Variants in NANOGNB observed in about 807,000 individuals in gnomAD.
NANOGNB encodes NANOG neighbor homeobox.
Under a neutral mutation model 25.0 loss-of-function variants are expected in NANOGNB, and 30 were observed. The ratio of observed to expected loss-of-function variants is 1.20; its 90% CI spans 0.90 to 1.63. The LOEUF (loss-of-function observed/expected upper bound fraction) is 1.63. Ranked by LOEUF, NANOGNB falls within the 40% of genes most tolerant of loss-of-function variation. The pLI, the probability that NANOGNB is intolerant of heterozygous loss-of-function variation, is 0.00. For synonymous variants in NANOGNB, 84 were observed against 62.1 expected, an observed-to-expected ratio of 1.35 and a Z score of -1.66; for missense variants, 200 against 188.1, an observed-to-expected ratio of 1.06 and a Z score of -0.37.
chr12:7,766,953 GCCTCAA>G (rs1865251675), intron 1 of NANOGNB, among the ~76,000 whole-genome samples: 1 of 152,058 alleles, frequency 6.6e-6, no homozygotes, highest in Non-Finnish European at 1.5e-5. Flanking sequence ...CGATTCTCCT[GCCTCAA>G]CTTCTCAAGT....
intron 3 of NANOGNB, among the ~76,000 whole-genome samples, 183 bp downstream of exon 3, chr12:7,770,701 C>T (rs1308469195): frequency 1.3e-5 from 2 of 152,174 alleles, no homozygotes; most frequent in South Asian, 2.1e-4. Flanking sequence ...CACCCTCCGC[C>T]TCCCAGGTTC....
intron 1 of NANOGNB, among the ~76,000 whole-genome samples, chr12:7,769,096 C>T (rs766429490): frequency 4.6e-5 from 7 of 152,162 alleles, no homozygotes; most frequent in African/African-American, 7.2e-5. Flanking sequence ...GCCATCCTTT[C>T]GGACTTGCCA....
At chr12:7,773,091 G>C (rs1388603826) in intron 3 of NANOGNB, among the ~76,000 whole-genome samples, 1 of 147,292 alleles carries the variant, frequency 6.8e-6, no homozygotes, top group Non-Finnish European at 1.5e-5. Context: ...TTTACTCTTA[G>C]TGTCCTCTAT....
At chr12:7,769,570 A>G (rs150357444) in intron 1 of NANOGNB, among the ~76,000 whole-genome samples, 238 of 151,902 alleles carry the variant, frequency 1.6e-3, no homozygotes, top group African/African-American at 5.2e-3. Flanking sequence ...TGATCCACCC[A>G]CCTCGGCCTC....
chr12:7,765,858 G>A, intron 1 of NANOGNB, among the ~76,000 whole-genome samples: 1 of 151,998 alleles, frequency 6.6e-6, no homozygotes, highest in Non-Finnish European at 1.5e-5. Flanking sequence ...TTGGGAGTTT[G>A]ACATAGAAGA....
At chr12:7,767,037 C>T (rs889045483) in intron 1 of NANOGNB, among the ~76,000 whole-genome samples, 2 of 152,172 alleles carry the variant, frequency 1.3e-5, no homozygotes, top group Non-Finnish European at 2.9e-5. Flanking sequence ...GACAGGGTTT[C>T]ACCATGTTGG....
chr12:7,771,951 C>T (rs1862571486), intron 3 of NANOGNB, among the ~76,000 whole-genome samples: 2 of 152,086 alleles, frequency 1.3e-5, no homozygotes, highest in Admixed American at 1.3e-4. Flanking sequence ...ATATGGTGCA[C>T]CCGGTTATCA....
chr12:7,773,002 T>C (rs1267490123), intron 3 of NANOGNB, among the ~76,000 whole-genome samples: 1 of 152,076 alleles, frequency 6.6e-6, no homozygotes, highest in African/African-American at 2.4e-5. Context: ...CTCTAAATTA[T>C]AAATGAGGAA....
At chr12:7,767,733 A>C (rs1312166844) in intron 1 of NANOGNB, among the ~76,000 whole-genome samples, 2 of 148,026 alleles carry the variant, frequency 1.4e-5, no homozygotes, top group East Asian at 2.0e-4. Context: ...TTCAACTTTC[A>C]CTTAACTTGC....
intron 1 of NANOGNB, among the ~76,000 whole-genome samples, chr12:7,767,589 A>G (rs567369202): frequency 1.9e-4 from 29 of 152,232 alleles, no homozygotes; most frequent in South Asian, 4.1e-4. Flanking sequence ...GAAAATGTAT[A>G]CCAATTAGCA....
At chr12:7,773,120 G>GTT (rs5796288) in intron 3 of NANOGNB, among the ~76,000 whole-genome samples, 3,548 of 132,416 alleles carry the variant, frequency 0.027, 158 homozygotes, top group African/African-American at 0.066. Flanking sequence ...AACTGTGATA[G>GTT]TTTTTTTTTT....
At chr12:7,767,425 G>A (rs1865255389) in intron 1 of NANOGNB, among the ~76,000 whole-genome samples, 1 of 150,178 alleles carries the variant, frequency 6.7e-6, no homozygotes, top group Non-Finnish European at 1.5e-5. Flanking sequence ...GTGGCCTGGT[G>A]TGGTGGCTCA....
At chr12:7,771,274 G>A (rs978878348) in intron 3 of NANOGNB, among the ~76,000 whole-genome samples, 1 of 152,194 alleles carries the variant, frequency 6.6e-6, no homozygotes, top group Non-Finnish European at 1.5e-5. Context: ...AGGCTGGAGT[G>A]CAGTGGCGCG....
chr12:7,771,014 G>C (rs1865287929), intron 3 of NANOGNB, among the ~76,000 whole-genome samples: 1 of 152,168 alleles, frequency 6.6e-6, no homozygotes, highest in African/African-American at 2.4e-5. Flanking sequence ...ACATATGCAT[G>C]CCACCATTTA....
intron 1 of NANOGNB, among the ~76,000 whole-genome samples, chr12:7,767,041 A>G (rs1007505961): frequency 6.6e-6 from 1 of 152,172 alleles, no homozygotes; most frequent in Non-Finnish European, 1.5e-5. Flanking sequence ...GGGTTTCACC[A>G]TGTTGGCCAA....
In NANOGNB at chr12:7,770,060, G is replaced by T; in HGVS notation, c.180G>T (p.Lys60Asn). The change falls in exon 2 of 4, where the codon AAG becomes AAT. Residue 60 changes from lysine (K) to asparagine (N), a missense_variant. Coordinates refer to ENST00000382119, the MANE Select transcript of NANOGNB (RefSeq NM_001145465.1). ...ACAGTGAAGATGAACAAAATGGAAA[G>T]CAGAAATGGAGAGAAGAAGGAGAAG... ...GNYSEDEQNG[K>N]QKWREEGEAG... The T allele has an allele frequency of 6.5e-7, 1 of 1,542,440 alleles. No homozygotes were observed. Among genetic ancestry groups the T allele is most frequent in the Non-Finnish European group, 8.7e-7 (1 of 1,144,762 alleles).
chr12:7,768,886 G>T (rs1865268198), intron 1 of NANOGNB, among the ~76,000 whole-genome samples: 1 of 152,100 alleles, frequency 6.6e-6, no homozygotes, highest in South Asian at 2.1e-4. Flanking sequence ...AGGCTGGAGT[G>T]CAGTGGCTGG....
chr12:7,766,600 G>A (rs1307784827), intron 1 of NANOGNB, among the ~76,000 whole-genome samples: 1 of 152,216 alleles, frequency 6.6e-6, no homozygotes, highest in African/African-American at 2.4e-5. Flanking sequence ...TGTTTCTTGA[G>A]TCACAGTCTT....
At chr12:7,773,763 T>C in intron 3 of NANOGNB, 37 bp from the exon 4 acceptor site, 1 of 627,650 alleles carries the variant, frequency 1.6e-6, no homozygotes, top group Non-Finnish European at 2.8e-6. Flanking sequence ...ATAGACTGTG[T>C]TGCGAAACTC....
Sources: gnomAD v4.1 joint callset for allele counts (sites outside exome capture counted in the v4.1 genomes callset) on GRCh38, gnomAD v4.1.1 for gene constraint, MANE v1.5 for transcripts, NCBI Gene and HGNC (gene_info 2026-07-23, HGNC 2026-07-21) for gene names.